ELAVL4: variants seen among roughly 807,000 people sequenced by gnomAD.
ELAVL4 encodes ELAV like RNA binding protein 4.
Under a neutral mutation model 35.6 loss-of-function variants are expected in ELAVL4, and 1 was observed. The ratio of observed to expected loss-of-function variants is 0.03; its 90% CI spans 0.01 to 0.13. ELAVL4 has a LOEUF of 0.13. Ranked by LOEUF, ELAVL4 falls within the 10% of genes least tolerant of loss-of-function variation. The probability of loss-of-function intolerance (pLI) is 1.00; values close to 1 mark genes in which losing one functional copy is unlikely to be tolerated. For synonymous variants in ELAVL4, 156 were observed against 171.0 expected (o/e 0.91, Z 0.69); for missense variants, 267 against 464.9 (o/e 0.57, Z 3.91).
rs1484387304 is a variant in ELAVL4, at chr1:50,067,066, T to C, written c.18+18884T>C. On this transcript the variant is annotated intron_variant, in intron 1 of 6. Coordinates refer to the ELAVL4 transcript ENST00000448907. ...ACAGCAAGCAGAGATTGGTGCACTC[T>C]GGGAGAGTGCATGTTTTTTAAAGGT... Among the ~76,000 whole-genome samples the C allele has an allele frequency of 2.6e-5, 4 of 152,108 alleles. No individual in the cohort carries two copies. In the East Asian group the frequency reaches 7.7e-4, roughly 29 times the overall value.
intron 3 of ELAVL4, among the ~76,000 whole-genome samples, chr1:50,181,568 G>T (rs535691600): frequency 6.6e-6 from 1 of 152,182 alleles, no homozygotes; most frequent in Non-Finnish European, 1.5e-5. Flanking sequence ...CTGGGTCATT[G>T]TTCAGTGTTT....
chr1:50,092,902 A>G (rs1261482578), intron 1 of ELAVL4, among the ~76,000 whole-genome samples: 3 of 152,190 alleles, frequency 2.0e-5, no homozygotes, highest in Non-Finnish European at 2.9e-5. Context: ...TCACAATTCA[A>G]TAAGGACAAG....
At chr1:50,155,062 G>A (rs1675485487) in intron 2 of ELAVL4, among the ~76,000 whole-genome samples, 1 of 151,338 alleles carries the variant, frequency 6.6e-6, no homozygotes, top group Non-Finnish European at 1.5e-5. Context: ...TAGGGTACAT[G>A]TGCACAATAT....
chr1:50,149,838 A>G lies in ELAVL4; in HGVS notation c.250+4641A>G, dbSNP rs532145893. On this transcript the variant is annotated intron_variant, in intron 2 of 6. Coordinates refer to ENST00000371824, the MANE Select transcript of ELAVL4 (RefSeq NM_001144774.3). ...ATTACAGGCATGAGCCACTGTGCCT[A>G]GCCACAGTGTACTTTGTTTTTGAGG... is the stretch of plus-strand genomic sequence containing the variant. Among the ~76,000 whole-genome samples, 123 of 152,220 alleles carry G rather than the reference A, an allele frequency of 8.1e-4. 1 individual carries two copies. The highest frequency in any genetic ancestry group is 2.8e-3 in the African/African-American group (118 of 41,544).
At chr1:50,054,611 A>ATT (rs1339825525) in intron 1 of ELAVL4, among the ~76,000 whole-genome samples, 1 of 152,032 alleles carries the variant, frequency 6.6e-6, no homozygotes, top group Non-Finnish European at 1.5e-5. Flanking sequence ...TAATTATTAT[A>ATT]TTTGTGTATT....
intron 3 of ELAVL4, among the ~76,000 whole-genome samples, chr1:50,191,983 T>C (rs1212127900): frequency 6.6e-6 from 1 of 152,222 alleles, no homozygotes; most frequent in Non-Finnish European, 1.5e-5. Flanking sequence ...AGTTCTGCTA[T>C]TGACACACTT....
intron 1 of ELAVL4, among the ~76,000 whole-genome samples, chr1:50,136,857 A>T (rs1263809950): frequency 2.6e-5 from 4 of 152,180 alleles, no homozygotes; most frequent in African/African-American, 7.2e-5. Flanking sequence ...TGCCAAAAGT[A>T]TGGTGACAGG....
chr1:50,103,025 T>C (rs1666072182), upstream of ELAVL4, among the ~76,000 whole-genome samples: 1 of 152,184 alleles, frequency 6.6e-6, no homozygotes, highest in Non-Finnish European at 1.5e-5. Flanking sequence ...AAAGGCACAT[T>C]TGAAAAAGTA....
Position 50,129,514 on chromosome 1 carries a change from T to C in ELAVL4, c.10-15443T>C, listed in dbSNP as rs111384711. On this transcript the variant is annotated intron_variant, in intron 1 of 6. Coordinates refer to ENST00000371824, the MANE Select transcript of ELAVL4 (RefSeq NM_001144774.3). ...CCTCACTTGGGCCATTCACAGTGGA[T>C]GGCTTTTTGAAAGGGCAAAAGATAC... is the stretch of plus-strand genomic sequence containing the variant. Among the ~76,000 whole-genome samples the C allele has an allele frequency of 7.7e-3, 1,166 of 152,250 alleles. 9 individuals are homozygous for C. Among genetic ancestry groups the C allele is most frequent in the African/African-American group, 0.027 (1,114 of 41,562 alleles).
At chr1:50,098,935 G>C (rs370222439), upstream of ELAVL4, among the ~76,000 whole-genome samples, 8 of 152,302 alleles carry the variant, frequency 5.3e-5, no homozygotes, top group East Asian at 1.5e-3. Context: ...AAGGCAGAAG[G>C]GAAGTGCCTG....
intron 2 of ELAVL4, among the ~76,000 whole-genome samples, chr1:50,159,674 G>A (rs546131311): frequency 7.9e-5 from 12 of 152,062 alleles, no homozygotes; most frequent in South Asian, 2.1e-4. Context: ...CTAACACGAC[G>A]TGAAAAGGAA....
At chr1:50,133,218 A>C (rs2148645310) in intron 1 of ELAVL4, among the ~76,000 whole-genome samples, 1 of 152,330 alleles carries the variant, frequency 6.6e-6, no homozygotes, top group Non-Finnish European at 1.5e-5. Flanking sequence ...CAGTGGGTCC[A>C]AGAATATGAA....
chr1:50,178,812 C>T (rs1680541270), intron 3 of ELAVL4, among the ~76,000 whole-genome samples: 1 of 152,196 alleles, frequency 6.6e-6, no homozygotes, highest in Non-Finnish European at 1.5e-5. Context: ...ATTTTCTGTG[C>T]TATCCAGTTC....
chr1:50,149,692 C>T (rs1366000823), intron 2 of ELAVL4, among the ~76,000 whole-genome samples: 4 of 151,692 alleles, frequency 2.6e-5, no homozygotes, highest in African/African-American at 7.3e-5. Context: ...TACAGGCACC[C>T]GCCACCACGC....
chr1:50,124,944 G>T (rs879448813), intron 1 of ELAVL4, among the ~76,000 whole-genome samples: 5 of 152,070 alleles, frequency 3.3e-5, no homozygotes, highest in Admixed American at 3.3e-4. Flanking sequence ...ATATTAATTT[G>T]TGTCCCATTC....
At chr1:50,059,341 G>A (rs1011319576) in intron 1 of ELAVL4, among the ~76,000 whole-genome samples, 4 of 152,106 alleles carry the variant, frequency 2.6e-5, no homozygotes, top group African/African-American at 9.7e-5. Context: ...CTGTTAAACT[G>A]TCACTTCAGT....
intron 1 of ELAVL4, among the ~76,000 whole-genome samples, chr1:50,118,330 T>C (rs535348932): frequency 5.9e-4 from 90 of 152,198 alleles, no homozygotes; most frequent in South Asian, 1.4e-3. Flanking sequence ...AGTGGCTTAA[T>C]GAGATTTTTG....
At chr1:50,048,091 G>A (rs879026426) in exon 1 of ELAVL4, 7 of 1,441,018 alleles carry the variant, frequency 4.9e-6, no homozygotes, top group South Asian at 4.2e-5. Flanking sequence ...GAGACTCTGC[G>A]GACGTCTTCC....
At position 50,195,696 on chromosome 1, in the gene ELAVL4, A is replaced by G; in HGVS notation, c.644A>G (p.Gln215Arg). The G allele has an allele frequency of 6.2e-7, 1 of 1,614,190 alleles. No homozygotes were observed. The highest frequency in any genetic ancestry group is 8.5e-7 in the Non-Finnish European group (1 of 1,180,010). The change falls in exon 5 of 7, where the codon CAG becomes CGG. Residue 215 changes from glutamine to arginine, a missense_variant. By Grantham distance (43) the Gln-to-Arg change is conservative. This residue lies in a region of ELAVL4 where 216 missense variants were observed against 409.5 expected (regional missense o/e 0.53). Transcript: ENST00000371824. ...ITVKFANNPS[Q>R]KSSQALLSQL... ...GTGAAGTTTGCCAACAACCCCAGCC[A>G]GAAGTCCAGCCAGGCCCTGCTCTCC...
Sources: gnomAD v4.1 joint callset for allele counts (sites outside exome capture counted in the v4.1 genomes callset) on GRCh38, gnomAD v4.1.1 for gene constraint, gnomAD v4.1.1 regional missense constraint, MANE v1.5 for transcripts, NCBI Gene and HGNC (gene_info 2026-07-23, HGNC 2026-07-21) for gene names.